Variants in A2ML1 observed in about 807,000 individuals in gnomAD.
The protein encoded by A2ML1 is alpha-2-macroglobulin-like protein 1.
A2ML1 carries 161 observed loss-of-function variants against 181.9 expected under a neutral mutation model. That is an observed-to-expected ratio of 0.89 (90% CI 0.78 to 1.01). A2ML1 has a LOEUF of 1.01. Among genes scored for constraint, A2ML1 ranks in the 50% least tolerant of loss-of-function variants. The probability of loss-of-function intolerance (pLI) is 0.00; values close to 1 mark genes in which losing one functional copy is unlikely to be tolerated. For missense variants in A2ML1, 1,670 were observed against 1,768.1 expected, an observed-to-expected ratio of 0.94 and a Z score of 1.00; for synonymous variants, 663 against 666.8, an observed-to-expected ratio of 0.99 and a Z score of 0.09.
At chr12:8,857,812 C>G (rs1026175064) in intron 25 of A2ML1, 134 bp from the exon 26 acceptor site, 2 of 1,341,500 alleles carry the variant, frequency 1.5e-6, no homozygotes, top group Admixed American at 2.1e-5. Context: ...TAATGCCTCT[C>G]TTTTCTAGGC....
rs1422931351 is a variant in A2ML1, at chr12:8,823,068, G to T, written c.63-114G>T. ...TGTAGAAAATGAGGTGCATAAGGAA[G>T]GCAGGGGCTTGGTCTGTCTAATTCA... On this transcript the variant is annotated intron_variant, in intron 1 of 35. Coordinates refer to ENST00000299698, the MANE Select transcript of A2ML1 (RefSeq NM_144670.6). 6 of 1,045,322 alleles carry T rather than the reference G, an allele frequency of 5.7e-6. No homozygotes were observed. In the East Asian group the frequency reaches 1.4e-4, roughly 25 times the overall value. The allele number at this position is 1,045,322 out of a possible 1,614,324, so 64.8% of individuals were successfully genotyped here.
chr12:8,846,971 G>C (rs966119861), intron 14 of A2ML1, among the ~76,000 whole-genome samples: 5 of 151,738 alleles, frequency 3.3e-5, no homozygotes, highest in African/African-American at 1.2e-4. Flanking sequence ...CTTTCCTCTT[G>C]TTGCCCAGGC....
At chr12:8,827,250 G>C (rs1302883950) in intron 3 of A2ML1, among the ~76,000 whole-genome samples, 4 of 152,166 alleles carry the variant, frequency 2.6e-5, no homozygotes, top group African/African-American at 9.7e-5. Flanking sequence ...TGAGGCAGGA[G>C]AATCACTTGA....
At chr12:8,884,033 G>C (rs1304784058) in intron 7 of A2ML1, among the ~76,000 whole-genome samples, 2 of 151,240 alleles carry the variant, frequency 1.3e-5, no homozygotes, top group Admixed American at 6.6e-5. Flanking sequence ...TTATCTGCCT[G>C]CCTTGGCCTC....
chr12:8,880,322 T>C (rs1944858398), downstream of A2ML1, among the ~76,000 whole-genome samples: 1 of 152,032 alleles, frequency 6.6e-6, no homozygotes, highest in African/African-American at 2.4e-5. Flanking sequence ...GCGGAGATTG[T>C]AGCACTGCAC....
chr12:8,867,218 A>G (rs749598532), intron 29 of A2ML1, among the ~76,000 whole-genome samples: 1 of 152,374 alleles, frequency 6.6e-6, no homozygotes, highest in South Asian at 2.1e-4. Flanking sequence ...GCTGTAAAAT[A>G]TATACTGAAC....
At position 8,837,680 on chromosome 12, in the gene A2ML1, G is replaced by A; in HGVS notation, c.855+114G>A. 7.0e-6 allele frequency: 8 copies of A among 1,144,226 alleles called. 1 individual carries two copies. In the South Asian group the frequency reaches 1.4e-4, roughly 20 times the overall value. The allele number at this position is 1,144,226 out of a possible 1,614,324, so 70.9% of individuals were successfully genotyped here. A position where few individuals can be genotyped will look rare whatever the true frequency, so the allele number is the denominator to read the frequency against. On this transcript the variant is annotated intron_variant, in intron 8 of 35. Transcript: ENST00000299698. The stretch of plus-strand genomic sequence containing the variant: ...GCGGATCACGAGGTCAGGAGTTTGA[G>A]ACCAGCCTGACCAATATGGGGAAAC...
chr12:8,849,895 G>T, intron 17 of A2ML1, 136 bp downstream of exon 17: 1 of 802,692 alleles, frequency 1.2e-6, no homozygotes. Flanking sequence ...ACAGATGCAG[G>T]ACAGTTTCCC....
chr12:8,838,217 A>T lies in A2ML1; in HGVS notation c.856-119A>T. 1 of 627,548 alleles carries T rather than the reference A, an allele frequency of 1.6e-6. No homozygotes were observed. The highest frequency in any genetic ancestry group is 2.8e-6 in the Non-Finnish European group (1 of 361,380). 38.9% of individuals were successfully genotyped at this position (627,548 alleles called of 1,614,324 possible). ...CTTCATGTTGTAGGAGAGTTTTTCT[A>T]TATTAGAAACTGAAGTGTGGAGATG... is the stretch of plus-strand genomic sequence containing the variant. On this transcript the variant is annotated intron_variant, in intron 8 of 35. Transcript: ENST00000299698.
At chr12:8,835,979 C>G (rs1943259118) in intron 6 of A2ML1, among the ~76,000 whole-genome samples, 1 of 139,116 alleles carries the variant, frequency 7.2e-6, no homozygotes, top group Non-Finnish European at 1.5e-5. Flanking sequence ...CGCCACTGCA[C>G]TCCAGCCTGG....
intron 28 of A2ML1, among the ~76,000 whole-genome samples, chr12:8,862,861 T>C (rs1469703367): frequency 6.6e-6 from 1 of 152,214 alleles, no homozygotes; most frequent in Non-Finnish European, 1.5e-5. Context: ...CTGTGGTTAC[T>C]TATTATCTCT....
intron 3 of A2ML1, among the ~76,000 whole-genome samples, chr12:8,826,910 C>T (rs903634423): frequency 3.9e-5 from 6 of 152,158 alleles, no homozygotes; most frequent in Non-Finnish European, 8.8e-5. Context: ...TAAGCCACCA[C>T]GTCTGTCTTC....
At chr12:8,846,017 A>T in intron 13 of A2ML1, 60 bp from the exon 14 acceptor site, 1 of 1,597,028 alleles carries the variant, frequency 6.3e-7, no homozygotes. Context: ...ATATGGTTAG[A>T]TGCCGTTGGC....
At chr12:8,833,106 TG>T (rs1943170314) in intron 4 of A2ML1, among the ~76,000 whole-genome samples, 2 of 151,798 alleles carry the variant, frequency 1.3e-5, no homozygotes, top group South Asian at 4.2e-4. Flanking sequence ...CCCAAGTAGT[TG>T]GGTTTACAGG....
chr12:8,853,563 C>T (rs995293268), intron 20 of A2ML1, among the ~76,000 whole-genome samples: 2 of 152,118 alleles, frequency 1.3e-5, no homozygotes, highest in African/African-American at 4.8e-5. Flanking sequence ...TCTGAAGACT[C>T]GACTAGGAGA....
chr12:8,828,594 C>A (rs915361878), intron 3 of A2ML1, among the ~76,000 whole-genome samples: 1 of 152,138 alleles, frequency 6.6e-6, no homozygotes, highest in Non-Finnish European at 1.5e-5. Context: ...GTGCTGTACC[C>A]CACTGTGGCT....
At chr12:8,868,457 C>CGTTT (rs1555117782) in intron 31 of A2ML1, 80 bp from the exon 32 acceptor site, 3 of 1,443,228 alleles carry the variant, frequency 2.1e-6, no homozygotes, top group Non-Finnish European at 2.9e-6. Flanking sequence ...TGTGTGTGTA[C>CGTTT]GTGTGTGTGT....
intron 29 of A2ML1, among the ~76,000 whole-genome samples, chr12:8,864,780 G>C (rs188988104): frequency 0.062 from 938 of 15,242 alleles, 408 homozygotes; most frequent in Non-Finnish European, 0.13. Context: ...GTATTACAAA[G>C]AGGATCTGGT....
chr12:8,837,643 A>G, intron 8 of A2ML1, 77 bp downstream of exon 8: 1 of 1,459,428 alleles, frequency 6.9e-7, no homozygotes, highest in Non-Finnish European at 9.2e-7. Flanking sequence ...GCACTTTGGG[A>G]GGCCGAGATG....
Sources: allele counts gnomAD v4.1 joint callset (sites outside exome capture counted in the v4.1 genomes callset), GRCh38; gene constraint gnomAD v4.1.1; transcripts MANE v1.5; gene names NCBI Gene and HGNC (gene_info 2026-07-23, HGNC 2026-07-21).